The following SUSD1 variants were observed in gnomAD, a reference collection of about 807,000 sequenced individuals.
SUSD1 encodes the protein sushi domain-containing protein 1.
Under a neutral mutation model 86.9 loss-of-function variants are expected in SUSD1, and 65 were observed. The observed-to-expected ratio is 0.75, with a 90% CI of 0.61 to 0.92. The LOEUF (loss-of-function observed/expected upper bound fraction) is 0.92, where lower values mean the gene tolerates loss of function less well. Ranked by LOEUF, SUSD1 falls within the 40% of genes least tolerant of loss-of-function variation. The probability of loss-of-function intolerance (pLI) is 0.00; values close to 1 mark genes in which losing one functional copy is unlikely to be tolerated. For missense variants in SUSD1, 850 were observed against 929.7 expected, an observed-to-expected ratio of 0.91 and a Z score of 1.11; for synonymous variants, 346 against 350.0, an observed-to-expected ratio of 0.99 and a Z score of 0.13.
chr9:112,060,196 T>A (rs1828653978), intron 13 of SUSD1, among the ~76,000 whole-genome samples: 2 of 152,094 alleles, frequency 1.3e-5, no homozygotes, highest in Admixed American at 6.6e-5. Context: ...GGGTGTTGGA[T>A]ATGGAAAGTC....
In SUSD1 at chr9:112,050,572, A is replaced by G. The variant is rs1282170971; in HGVS notation, c.2149+1827T>C. ...AAGTTTATGCTGGCACTTCCTCACC[A>G]TGCCAGTTGATTGTTTTATGCTGCT... On this transcript the variant is annotated intron_variant, in intron 15 of 16. Transcript: ENST00000374270. Among the ~76,000 whole-genome samples, 3 of 152,152 alleles carry G rather than the reference A, an allele frequency of 2.0e-5. No individual in the cohort carries two copies. The East Asian group carries it at 5.8e-4, about 29-fold the overall frequency.
intron 13 of SUSD1, among the ~76,000 whole-genome samples, chr9:112,060,017 T>C (rs1041748848): frequency 3.0e-4 from 41 of 134,980 alleles, no homozygotes; most frequent in African/African-American, 1.1e-3. Flanking sequence ...AGGAAAAGCA[T>C]ACATCAGCGT....
chr9:112,074,711 C>A (rs1222412495), intron 12 of SUSD1, among the ~76,000 whole-genome samples: 2 of 152,084 alleles, frequency 1.3e-5, no homozygotes, highest in Non-Finnish European at 2.9e-5. Context: ...TAAGGCCACA[C>A]ACTTCTTAGG....
chr9:112,079,103 C>T (rs924300609), intron 11 of SUSD1, among the ~76,000 whole-genome samples: 5 of 152,166 alleles, frequency 3.3e-5, no homozygotes, highest in East Asian at 1.9e-4. Flanking sequence ...TGAGCCACCG[C>T]GCCCAGCCCC....
At chr9:112,129,801 C>T (rs887691534) in intron 5 of SUSD1, among the ~76,000 whole-genome samples, 52 of 152,174 alleles carry the variant, frequency 3.4e-4, no homozygotes, top group African/African-American at 1.3e-3. Context: ...TGTTTTACAC[C>T]GTTGTTCATT....
chr9:112,156,693 G>A (rs190800496), intron 2 of SUSD1, among the ~76,000 whole-genome samples: 22 of 152,198 alleles, frequency 1.4e-4, no homozygotes, highest in South Asian at 1.2e-3. Flanking sequence ...TTACAAGATC[G>A]AGGCTCAGTA....
In SUSD1 at chr9:112,096,010, A is replaced by G. The variant is rs139630966; in HGVS notation, c.1474+2460T>C. Among the ~76,000 whole-genome samples the G allele has an allele frequency of 2.8e-3, 424 of 152,338 alleles. 1 individual carries two copies. Among genetic ancestry groups the G allele is most frequent in the African/African-American group, 9.5e-3 (395 of 41,574 alleles). ...AATGTCTAAAATTTTCAAGGAGAGTACAGTGTCAAAATGAATCCAACTACC... is the reference window on the plus strand; with the variant it reads ...AATGTCTAAAATTTTCAAGGAGAGTGCAGTGTCAAAATGAATCCAACTACC... On this transcript the variant is annotated intron_variant, in intron 10 of 16. Transcript: ENST00000374270.
chr9:112,079,195 C>A (rs935407813), intron 11 of SUSD1, among the ~76,000 whole-genome samples: 2 of 151,892 alleles, frequency 1.3e-5, no homozygotes, highest in African/African-American at 4.8e-5. Flanking sequence ...CAGCAGTAAG[C>A]AAATATTAGA....
In SUSD1 at chr9:112,058,560, G is replaced by C; in HGVS notation, c.1977C>G (p.Ala659=). The stretch of plus-strand genomic sequence containing the variant: ...CCATGGCATCATCTGGAACATCTTT[G>C]GCCAGTAGTTCTGCAGCCACGTATC... ...ADGYVAAELL[A]KDVPDDAMEI... is the part of the protein sequence containing the mutation. Residue 659 remains alanine (A), a synonymous_variant, in exon 14 of 17, where the codon GCC becomes GCG. Coordinates refer to ENST00000374270, the MANE Select transcript of SUSD1 (RefSeq NM_022486.5). The C allele has an allele frequency of 1.2e-6, 2 of 1,614,052 alleles. No homozygotes were observed.
chr9:112,073,913 G>A (rs1343610357), intron 12 of SUSD1, among the ~76,000 whole-genome samples: 1 of 151,792 alleles, frequency 6.6e-6, no homozygotes, highest in African/African-American at 2.4e-5. Flanking sequence ...AAAAAGAAAG[G>A]GAAAGGGAAA....
At chr9:112,151,822 G>A (rs1269962832) in intron 2 of SUSD1, among the ~76,000 whole-genome samples, 1 of 151,898 alleles carries the variant, frequency 6.6e-6, no homozygotes, top group African/African-American at 2.4e-5. Flanking sequence ...CGGATCACCT[G>A]AGGTCAGGAG....
At chr9:112,087,441 A>G (rs527958302) in intron 10 of SUSD1, among the ~76,000 whole-genome samples, 1 of 152,202 alleles carries the variant, frequency 6.6e-6, no homozygotes, top group African/African-American at 2.4e-5. Context: ...TCGGCCTCCC[A>G]AAGTGCTGGG....
chr9:112,134,275 G>C (rs868579594), intron 5 of SUSD1, among the ~76,000 whole-genome samples: 1 of 152,098 alleles, frequency 6.6e-6, no homozygotes, highest in Non-Finnish European at 1.5e-5. Flanking sequence ...TATGTTCATC[G>C]CTGCACTATT....
At chr9:112,115,808 C>CAAAAAAAAAAAAAAAAAAAAAAAAA (rs1406590665) in intron 6 of SUSD1, among the ~76,000 whole-genome samples, 1 of 59,586 alleles carries the variant, frequency 1.7e-5, no homozygotes, top group African/African-American at 5.9e-5. Context: ...GACTCCATTG[C>CAAAAAAAAAAAAAAAAAAAAAAAAA]AAAAAAAAAA....
At chr9:112,171,197 C>A (rs1834032024) in intron 1 of SUSD1, among the ~76,000 whole-genome samples, 1 of 152,166 alleles carries the variant, frequency 6.6e-6, no homozygotes, top group Admixed American at 6.5e-5. Context: ...ACATGGGATG[C>A]ATGCTGCTAG....
chr9:112,084,257 A>T (rs558938228), intron 10 of SUSD1, among the ~76,000 whole-genome samples: 1 of 152,346 alleles, frequency 6.6e-6, no homozygotes, highest in East Asian at 1.9e-4. Flanking sequence ...ATAACCTTCT[A>T]TAGATAATAA....
chr9:112,076,630 G>A (rs1829527175), intron 12 of SUSD1, among the ~76,000 whole-genome samples: 1 of 152,162 alleles, frequency 6.6e-6, no homozygotes, highest in Admixed American at 6.5e-5. Flanking sequence ...AGGAGAGGCT[G>A]GGACTAGAAA....
At chr9:112,078,005 C>G (rs1589619612) in intron 12 of SUSD1, among the ~76,000 whole-genome samples, 1 of 152,068 alleles carries the variant, frequency 6.6e-6, no homozygotes, top group East Asian at 1.9e-4. Flanking sequence ...TCCCCCTCCC[C>G]CTCCCCACAG....
At chr9:112,076,801 A>C (rs1451783452) in intron 12 of SUSD1, among the ~76,000 whole-genome samples, 1 of 152,240 alleles carries the variant, frequency 6.6e-6, no homozygotes, top group African/African-American at 2.4e-5. Flanking sequence ...ACAGCAAGGC[A>C]GAAGGAACCA....
Sources: gnomAD v4.1 joint callset for allele counts (sites outside exome capture counted in the v4.1 genomes callset) on GRCh38, gnomAD v4.1.1 for gene constraint, MANE v1.5 for transcripts, NCBI Gene and HGNC (gene_info 2026-07-23, HGNC 2026-07-21) for gene names.